The following ATOSA variants were observed in gnomAD, a reference collection of about 807,000 sequenced individuals.
ATOSA encodes atos homolog protein A.
chr15:52,668,241 C>T, the ATOSA span, among the ~76,000 whole-genome samples: 7,396 of 152,302 alleles, frequency 0.049, 259 homozygotes, highest in Middle Eastern at 0.099. Flanking sequence ...GAATAAAATA[C>T]TGTCATTTGC....
chr15:52,652,827 C>CT, the ATOSA span, among the ~76,000 whole-genome samples: 1 of 152,086 alleles, frequency 6.6e-6, no homozygotes. Flanking sequence ...GAAGTATAGA[C>CT]TTTTTTTCAG....
the ATOSA span, among the ~76,000 whole-genome samples, chr15:52,680,659 C>A: frequency 6.6e-6 from 1 of 152,132 alleles, no homozygotes; most frequent in Non-Finnish European, 1.5e-5. Flanking sequence ...AACCTTAACT[C>A]CACGATTGTA....
At chr15:52,584,427 C>A in the ATOSA span, among the ~76,000 whole-genome samples, 1 of 152,144 alleles carries the variant, frequency 6.6e-6, no homozygotes, top group Non-Finnish European at 1.5e-5. Context: ...GTGTGAGCCA[C>A]TGTGCCCGGC....
the ATOSA span, among the ~76,000 whole-genome samples, chr15:52,589,175 C>T: frequency 2.0e-5 from 3 of 152,192 alleles, no homozygotes; most frequent in African/African-American, 7.2e-5. Flanking sequence ...CTAACCAAAA[C>T]AGCAATGAAA....
the ATOSA span, among the ~76,000 whole-genome samples, chr15:52,687,949 C>G: frequency 1.2e-4 from 18 of 152,316 alleles, no homozygotes; most frequent in African/African-American, 4.3e-4. Flanking sequence ...CCTATTTCCT[C>G]TGTTGTTGTC....
chr15:52,700,393 G>T, the ATOSA span, among the ~76,000 whole-genome samples: 2 of 151,998 alleles, frequency 1.3e-5, no homozygotes, highest in South Asian at 2.1e-4. Flanking sequence ...GGCTTCAGGG[G>T]GGTCTCTGCC....
chr15:52,656,398 C>T, the ATOSA span: 8 of 152,054 alleles, frequency 5.3e-5, no homozygotes, highest in Admixed American at 5.2e-4. Context: ...TACCCACTGA[C>T]TTGCATTCAT....
At chr15:52,608,810 T>C in the ATOSA span, 232 of 1,602,992 alleles carry the variant, frequency 1.4e-4, no homozygotes, top group Non-Finnish European at 1.9e-4. Context: ...TTTGAGGACA[T>C]GCTTTCATAT....
the ATOSA span, among the ~76,000 whole-genome samples, chr15:52,635,668 C>T: frequency 6.6e-6 from 1 of 151,934 alleles, no homozygotes; most frequent in East Asian, 1.9e-4. Flanking sequence ...TGCACTTCAG[C>T]CTGGGCAACA....
the ATOSA span, among the ~76,000 whole-genome samples, chr15:52,707,706 G>C: frequency 6.6e-6 from 1 of 152,000 alleles, no homozygotes; most frequent in Non-Finnish European, 1.5e-5. Context: ...CTTGGTCTTA[G>C]AAAATATACA....
the ATOSA span, among the ~76,000 whole-genome samples, chr15:52,612,802 C>T: frequency 6.6e-6 from 1 of 152,072 alleles, no homozygotes; most frequent in Admixed American, 6.5e-5. Flanking sequence ...TGCGCCCAGC[C>T]TCAAAATAGA....
the ATOSA span, among the ~76,000 whole-genome samples, chr15:52,623,109 T>C: frequency 0.02 from 3,083 of 151,742 alleles, 91 homozygotes; most frequent in African/African-American, 0.063. Context: ...CAGTGAACTA[T>C]GATTGCACGA....
chr15:52,638,316 C>T, the ATOSA span, among the ~76,000 whole-genome samples: 2 of 152,154 alleles, frequency 1.3e-5, no homozygotes, highest in Non-Finnish European at 2.9e-5. Context: ...TTTAAAAACG[C>T]TTACCTTCTA....
chr15:52,587,511 A>C, the ATOSA span: 1 of 222,998 alleles, frequency 4.5e-6, no homozygotes, highest in Admixed American at 5.8e-5. Flanking sequence ...AAAGGAAATA[A>C]AGGAAGGTAA....
chr15:52,611,012 T>C, the ATOSA span: 1 of 1,220,592 alleles, frequency 8.2e-7, no homozygotes, highest in Non-Finnish European at 1.1e-6. Flanking sequence ...CTCAGTAAAT[T>C]TTATCCACTT....
chr15:52,612,811 G>A, the ATOSA span, among the ~76,000 whole-genome samples: 7 of 151,926 alleles, frequency 4.6e-5, no homozygotes, highest in African/African-American at 7.3e-5. Context: ...CCTCAAAATA[G>A]ACACGATTTT....
the ATOSA span, among the ~76,000 whole-genome samples, chr15:52,687,943 T>C: frequency 2.6e-5 from 4 of 152,222 alleles, no homozygotes; most frequent in African/African-American, 9.7e-5. Flanking sequence ...ATCTTGCCTA[T>C]TTCCTCTGTT....
chr15:52,652,151 T>G, the ATOSA span: 1 of 1,082,858 alleles, frequency 9.2e-7, no homozygotes, highest in Non-Finnish European at 1.2e-6. Context: ...CACTACAGCT[T>G]CCTGTCTACT....
the ATOSA span, among the ~76,000 whole-genome samples, chr15:52,642,447 T>C: frequency 5.9e-5 from 9 of 152,206 alleles, no homozygotes; most frequent in African/African-American, 2.2e-4. Flanking sequence ...ATTCCAATTA[T>C]CTAATTCTAC....
Sources: allele counts gnomAD v4.1 joint callset (sites outside exome capture counted in the v4.1 genomes callset), GRCh38; gene constraint gnomAD v4.1.1; transcripts MANE v1.5; gene names NCBI Gene and HGNC (gene_info 2026-07-23, HGNC 2026-07-21).